Variants in ACKR3 observed in about 807,000 individuals in gnomAD.
ACKR3 encodes the protein atypical chemokine receptor 3, also known as C-X-C chemokine receptor type 7.
In ACKR3, 6 loss-of-function variants were observed where a neutral mutation model predicts 22.4. The observed-to-expected ratio is 0.27, with a 90% confidence interval of 0.15 to 0.53. The LOEUF is 0.53. Ranked by LOEUF, ACKR3 falls within the 20% of genes least tolerant of loss-of-function variation. The probability of loss-of-function intolerance (pLI) is 0.96; values close to 1 mark genes in which losing one functional copy is unlikely to be tolerated. For synonymous variants in ACKR3, 209 were observed against 205.2 expected, an observed-to-expected ratio of 1.02 and a Z score of -0.16; for missense variants, 396 against 475.2, an observed-to-expected ratio of 0.83 and a Z score of 1.55.
Position 236,580,780 on chromosome 2 carries a change from G to T in ACKR3, c.315G>T (p.Val105=). The change falls in exon 2 of 2, where the codon GTG becomes GTT. Residue 105 remains valine, a synonymous_variant. Transcript: ENST00000272928. ...TCCCAGTCTGGGTGGTCAGTCTCGT[G>T]CAGCACAACCAGTGGCCCATGGGCG... ...LTIPVWVVSL[V]QHNQWPMGEL... The T allele has an allele frequency of 6.2e-7, 1 of 1,614,208 alleles. No individual in the cohort carries two copies. The highest frequency in any genetic ancestry group is 8.5e-7 in the Non-Finnish European group (1 of 1,180,048).
intron 1 of ACKR3, among the ~76,000 whole-genome samples, chr2:236,576,663 C>T (rs928588903): frequency 1.2e-4 from 18 of 152,344 alleles, no homozygotes; most frequent in Admixed American, 9.8e-4. Flanking sequence ...GAAAGTGGGC[C>T]CTGCCCACCC....
At chr2:236,543,092 G>A in the ACKR3 span, among the ~76,000 whole-genome samples, 2 of 152,310 alleles carry the variant, frequency 1.3e-5, no homozygotes, top group South Asian at 2.1e-4. Context: ...AAGAAATCAG[G>A]GAATCTTCCC....
At chr2:236,576,074 C>T (rs555021647) in intron 1 of ACKR3, among the ~76,000 whole-genome samples, 22 of 152,290 alleles carry the variant, frequency 1.4e-4, no homozygotes, top group African/African-American at 4.6e-4. Context: ...CCTGCCCTGG[C>T]ATGGGCACTG....
chr2:236,549,042 G>GT, the ACKR3 span, among the ~76,000 whole-genome samples: 94 of 152,326 alleles, frequency 6.2e-4, no homozygotes, highest in African/African-American at 2.1e-3. This position sits in a 1 kb window ranked among gnomAD's most constrained non-coding sequence, Gnocchi z 5.3. Context: ...GTCCACCTTG[G>GT]AAGGAACCTG....
At chr2:236,556,233 A>T in the ACKR3 span, among the ~76,000 whole-genome samples, 3 of 152,174 alleles carry the variant, frequency 2.0e-5, no homozygotes, top group Non-Finnish European at 4.4e-5. Flanking sequence ...AGCTTGAGCA[A>T]GAAGAGGGTG....
At chr2:236,543,607 C>T in the ACKR3 span, among the ~76,000 whole-genome samples, 3 of 152,198 alleles carry the variant, frequency 2.0e-5, no homozygotes, top group African/African-American at 7.2e-5. Flanking sequence ...GAAGCCCTCA[C>T]CCTCCAGAGT....
upstream of ACKR3, among the ~76,000 whole-genome samples, chr2:236,568,821 G>T (rs1336516380): frequency 6.6e-6 from 1 of 152,194 alleles, no homozygotes; most frequent in Non-Finnish European, 1.5e-5. Context: ...TTTAGCTCTG[G>T]AGAAGGCGTG....
At chr2:236,557,637 G>A in the ACKR3 span, among the ~76,000 whole-genome samples, 1 of 152,324 alleles carries the variant, frequency 6.6e-6, no homozygotes, top group Non-Finnish European at 1.5e-5. Flanking sequence ...CATACAGATG[G>A]AAATAAACAG....
At chr2:236,552,622 A>G in the ACKR3 span, among the ~76,000 whole-genome samples, 16 of 152,204 alleles carry the variant, frequency 1.1e-4, no homozygotes, top group African/African-American at 3.4e-4. Context: ...GAAAATATAG[A>G]TGAACTATGA....
upstream of ACKR3, among the ~76,000 whole-genome samples, chr2:236,569,082 A>G (rs1691251268): frequency 6.6e-6 from 1 of 152,230 alleles, no homozygotes; most frequent in African/African-American, 2.4e-5. Flanking sequence ...GTAGATTGCA[A>G]TAATTGTAGT....
the ACKR3 span, among the ~76,000 whole-genome samples, chr2:236,550,116 G>C: frequency 6.6e-6 from 1 of 152,342 alleles, no homozygotes; most frequent in East Asian, 1.9e-4. The surrounding 1 kb of genome is among the most constrained non-coding windows in gnomAD (Gnocchi z 4.6). Context: ...CAGCAACGTG[G>C]ATTCCTGTGG....
At chr2:236,548,327 A>G in the ACKR3 span, among the ~76,000 whole-genome samples, 7 of 152,188 alleles carry the variant, frequency 4.6e-5, no homozygotes, top group Non-Finnish European at 8.8e-5. The surrounding 1 kb of genome is among the most constrained non-coding windows in gnomAD (Gnocchi z 4.3). Context: ...GTTTGTTTCA[A>G]TCTGGCTACT....
Position 236,580,813 on chromosome 2 carries a change from G to A in ACKR3, c.348G>A (p.Thr116=), listed in dbSNP as rs528077974. Residue 116 remains threonine, a synonymous_variant, in exon 2 of 2, where the codon ACG becomes ACA. Coordinates refer to ENST00000272928, the MANE Select transcript of ACKR3 (RefSeq NM_020311.3). ...QHNQWPMGEL[T]CKVTHLIFSI... is the part of the protein sequence containing the mutation. ...ACCAGTGGCCCATGGGCGAGCTCAC[G>A]TGCAAAGTCACACACCTCATCTTCT... 29 of 1,614,202 alleles carry A rather than the reference G, an allele frequency of 1.8e-5. No individual in the cohort carries two copies. The Admixed American group carries it at 1.8e-4, about 10-fold the overall frequency.
the ACKR3 span, among the ~76,000 whole-genome samples, chr2:236,541,548 C>T: frequency 6.6e-5 from 10 of 152,266 alleles, no homozygotes; most frequent in Admixed American, 2.6e-4. Flanking sequence ...TTGAGAGTAA[C>T]GGGTTGCCTG....
At chr2:236,540,567 A>C in the ACKR3 span, among the ~76,000 whole-genome samples, 3 of 152,172 alleles carry the variant, frequency 2.0e-5, no homozygotes, top group African/African-American at 7.2e-5. Context: ...ATGTTCTAAG[A>C]AATCTTCCTG....
At chr2:236,563,646 A>C (rs1241166955), upstream of ACKR3, among the ~76,000 whole-genome samples, 1 of 152,188 alleles carries the variant, frequency 6.6e-6, no homozygotes, top group Non-Finnish European at 1.5e-5. Context: ...TTAATTAGAG[A>C]GCACTCCTCC....
the ACKR3 span, among the ~76,000 whole-genome samples, chr2:236,543,992 T>TACAC: frequency 1.2e-4 from 7 of 56,422 alleles, no homozygotes; most frequent in Non-Finnish European, 1.8e-4. Context: ...TATATATATA[T>TACAC]ACACTTTTTT....
intron 1 of ACKR3, among the ~76,000 whole-genome samples, 155 bp downstream of exon 1, chr2:236,570,079 C>T (rs1691276860): frequency 6.6e-6 from 1 of 152,252 alleles, no homozygotes; most frequent in Non-Finnish European, 1.5e-5. Context: ...AGGCTGCACG[C>T]AGCTGCATTG....
chr2:236,549,664 T>C, the ACKR3 span, among the ~76,000 whole-genome samples: 13 of 152,314 alleles, frequency 8.5e-5, no homozygotes, highest in South Asian at 6.2e-4. The surrounding 1 kb of genome is among the most constrained non-coding windows in gnomAD (Gnocchi z 5.3). Flanking sequence ...AGTAGGATCA[T>C]AGTTGGTGCT....
Sources: allele counts gnomAD v4.1 joint callset (sites outside exome capture counted in the v4.1 genomes callset), GRCh38; gene constraint gnomAD v4.1.1; non-coding constraint Gnocchi (gnomAD v3.1); transcripts MANE v1.5; gene names NCBI Gene and HGNC (gene_info 2026-07-23, HGNC 2026-07-21).